Variants in HMCN1 observed in about 807,000 individuals in gnomAD.
HMCN1 encodes hemicentin-1.
HMCN1 carries 321 observed loss-of-function variants against 625.9 expected under a neutral mutation model. That is an observed-to-expected ratio of 0.51 (90% CI 0.47 to 0.56). HMCN1 has a LOEUF of 0.56. Ranked by LOEUF, HMCN1 falls within the 20% of genes least tolerant of loss-of-function variation. The pLI is 0.00. For missense variants in HMCN1, 6,588 were observed against 6,887.3 expected (o/e 0.96, Z 1.54); for synonymous variants, 2,425 against 2,417.6 (o/e 1.00, Z -0.09).
intron 4 of HMCN1, among the ~76,000 whole-genome samples, chr1:185,899,547 C>T (rs967511557): frequency 3.9e-5 from 6 of 152,046 alleles, no homozygotes; most frequent in Admixed American, 2.0e-4. Context: ...TTAAGGACTT[C>T]CCAGTTATGT....
At chr1:185,851,260 CT>C (rs1662144793) in intron 2 of HMCN1, among the ~76,000 whole-genome samples, 1 of 151,978 alleles carries the variant, frequency 6.6e-6, no homozygotes, top group Non-Finnish European at 1.5e-5. Context: ...CTAACTTGAA[CT>C]TTAAAAAAAG....
chr1:186,120,982 C>T (rs1485594120), intron 80 of HMCN1, among the ~76,000 whole-genome samples: 3 of 152,080 alleles, frequency 2.0e-5, no homozygotes, highest in Non-Finnish European at 4.4e-5. Flanking sequence ...TATGTGGGGA[C>T]CACTTTAGAA....
intron 6 of HMCN1, among the ~76,000 whole-genome samples, chr1:185,917,214 C>T (rs1385946942): frequency 6.6e-6 from 1 of 152,014 alleles, no homozygotes; most frequent in Non-Finnish European, 1.5e-5. Flanking sequence ...TACTAGCACC[C>T]CACTGACCTG....
intron 93 of HMCN1, among the ~76,000 whole-genome samples, chr1:186,146,839 G>T (rs977427369): frequency 2.0e-5 from 3 of 152,096 alleles, no homozygotes; most frequent in African/African-American, 7.2e-5. Flanking sequence ...GTCCAAATAG[G>T]TTGACAGTTT....
intron 75 of HMCN1, 26 bp from the exon 76 acceptor site, chr1:186,116,968 C>G (rs773302683): frequency 6.2e-7 from 1 of 1,611,090 alleles, no homozygotes; most frequent in Non-Finnish European, 8.5e-7. Flanking sequence ...CATATAGTAT[C>G]TCATGCTTTG....
chr1:185,777,048 C>T (rs1177671280), intron 1 of HMCN1, among the ~76,000 whole-genome samples: 2 of 152,166 alleles, frequency 1.3e-5, no homozygotes, highest in African/African-American at 2.4e-5. Context: ...AAAGTGAATT[C>T]GCTAGATCCA....
intron 40 of HMCN1, 80 bp from the exon 41 acceptor site, chr1:186,045,608 A>G: frequency 9.7e-7 from 1 of 1,031,084 alleles, no homozygotes. Flanking sequence ...AAAGGTATTC[A>G]GTATATGTCC....
intron 105 of HMCN1, among the ~76,000 whole-genome samples, chr1:186,185,271 A>C (rs2102675871): frequency 6.6e-6 from 1 of 152,338 alleles, no homozygotes; most frequent in South Asian, 2.1e-4. Context: ...AGAGTTCATG[A>C]TGAAAATAAG....
chr1:185,932,666 C>G (rs1229474359), intron 10 of HMCN1, among the ~76,000 whole-genome samples: 2 of 151,654 alleles, frequency 1.3e-5, no homozygotes, highest in South Asian at 4.2e-4. Flanking sequence ...GGGAGTTGAA[C>G]GATGAGAACA....
intron 1 of HMCN1, among the ~76,000 whole-genome samples, chr1:185,795,559 G>T (rs1658315208): frequency 6.6e-6 from 1 of 152,152 alleles, no homozygotes; most frequent in African/African-American, 2.4e-5. Flanking sequence ...CTTCTCATAG[G>T]AATGTCCTGA....
At chr1:186,113,843 C>A in intron 72 of HMCN1, 136 bp from the exon 73 acceptor site, 2 of 984,304 alleles carry the variant, frequency 2.0e-6, no homozygotes, top group South Asian at 2.7e-5. Context: ...CTCAATTCTA[C>A]TTATACTAAC....
At position 185,738,401 on chromosome 1, in the gene HMCN1, G is replaced by A. The variant is rs114066805; in HGVS notation, c.268+3354G>A. Among the ~76,000 whole-genome samples the A allele has an allele frequency of 6.7e-3, 1,018 of 152,272 alleles. 8 individuals carry two copies. Among genetic ancestry groups the A allele is most frequent in the Middle Eastern group, 0.027 (8 of 294 alleles). On this transcript the variant is annotated intron_variant, in intron 1 of 106. Transcript: ENST00000271588. ...TGTTCTGGACTTTTATACAAGTAGA[G>A]TCATATTCTATAAGGTCTTTCATGA...
intron 97 of HMCN1, among the ~76,000 whole-genome samples, chr1:186,156,231 C>T (rs1651010671): frequency 6.6e-6 from 1 of 151,870 alleles, no homozygotes; most frequent in South Asian, 2.1e-4. Flanking sequence ...ACAACTTCTT[C>T]ATGGGAAGGA....
At position 185,762,141 on chromosome 1, in the gene HMCN1, A is replaced by G. The variant is rs577734270; in HGVS notation, c.268+27094A>G. On this transcript the variant is annotated intron_variant, in intron 1 of 106. Coordinates refer to ENST00000271588, the MANE Select transcript of HMCN1 (RefSeq NM_031935.3). Reference sequence around the variant, plus strand: ...TAGAACAATGATTTTCTCTGTTTCTATGAGAAGACTTACACTCTAGCCTAC... The same window carrying G: ...TAGAACAATGATTTTCTCTGTTTCTGTGAGAAGACTTACACTCTAGCCTAC... Among the ~76,000 whole-genome samples the G allele has an allele frequency of 1.7e-3, 262 of 152,330 alleles. 1 individual carries two copies. The highest frequency in any genetic ancestry group is 3.1e-3 in the Non-Finnish European group (208 of 68,022).
At chr1:185,951,885 T>G (rs1479489462) in intron 11 of HMCN1, among the ~76,000 whole-genome samples, 1 of 151,842 alleles carries the variant, frequency 6.6e-6, no homozygotes, top group Non-Finnish European at 1.5e-5. Context: ...GAATTGCAAC[T>G]TTTTTCTGTT....
chr1:186,052,967 G>C lies in HMCN1; in HGVS notation c.6593G>C (p.Gly2198Ala). The change falls in exon 43 of 107, where the codon GGT (glycine) becomes GCT (alanine). Residue 2198 changes from glycine to alanine, a missense_variant. Coordinates refer to ENST00000271588, the MANE Select transcript of HMCN1 (RefSeq NM_031935.3). ...TTTTTTCTAGTCCCCCCAAATATTG[G>C]TGGTTCTGATGAACTTACTCAACTT... ...NVNIWVPPNI[G>A]GSDELTQLTV... 6.2e-7 allele frequency: 1 copy of C among 1,605,252 alleles called. No homozygotes were observed. The highest frequency in any genetic ancestry group is 8.5e-7 in the Non-Finnish European group (1 of 1,172,830).
Position 185,876,652 on chromosome 1 carries a change from C to T in HMCN1, c.621+10789C>T, listed in dbSNP as rs1261484670. Among the ~76,000 whole-genome samples, 3 of 152,062 alleles carry T rather than the reference C, an allele frequency of 2.0e-5. No individual in the cohort carries two copies. The South Asian group carries it at 6.2e-4, about 32-fold the overall frequency. ...CATTTTGGTTTTCGTTCACATTTCTCTGATGATTAGTGATGATGAACATTT... is the reference window on the plus strand; with the variant it reads ...CATTTTGGTTTTCGTTCACATTTCTTTGATGATTAGTGATGATGAACATTT... On this transcript the variant is annotated intron_variant, in intron 4 of 106. Coordinates refer to ENST00000271588, the MANE Select transcript of HMCN1 (RefSeq NM_031935.3).
rs888764466 is a variant in HMCN1 at position 185,734,528 on chromosome 1, G to T, written c.-252G>T. 1 of 494,598 alleles carries T rather than the reference G, an allele frequency of 2.0e-6. No homozygotes were observed. The highest frequency in any genetic ancestry group is 1.9e-5 in the African/African-American group (1 of 51,970). 30.6% of individuals were successfully genotyped at this position (494,598 alleles called of 1,614,324 possible). On this transcript the variant is annotated 5_prime_UTR_variant, in exon 1 of 107. Coordinates refer to ENST00000271588, the MANE Select transcript of HMCN1 (RefSeq NM_031935.3). The stretch of plus-strand genomic sequence containing the variant: ...CTCCGCCACAGGCTGTCCAGGGCCC[G>T]CGGGCAGATAGCAGTCCAGGAGGAA...
chr1:185,735,027 T>G lies in HMCN1; in HGVS notation c.248T>G (p.Leu83Trp). Residue 83 changes from leucine (L) to tryptophan (W), a missense_variant, in exon 1 of 107, where the codon TTG becomes TGG. Around this residue, in one of 3 missense-constraint regions of HMCN1, gnomAD observed 4,628 missense variants for 4,853.1 expected, o/e 0.95. Coordinates refer to ENST00000271588, the MANE Select transcript of HMCN1 (RefSeq NM_031935.3). ...AAAAGACCTCTTTTCAACTTTGCGT[T>G]GGTGCCTTTCCATGATCCAGGTAAG... Reference protein sequence around the residue: ...RPKRPLFNFALVPFHDPEIGP... With the variant: ...RPKRPLFNFAWVPFHDPEIGP... 1 of 1,614,206 alleles carries G rather than the reference T, an allele frequency of 6.2e-7. No homozygotes were observed. The highest frequency in any genetic ancestry group is 1.6e-4 in the Middle Eastern group (1 of 6,062).
Sources: allele counts gnomAD v4.1 joint callset (sites outside exome capture counted in the v4.1 genomes callset), GRCh38; gene constraint gnomAD v4.1.1; regional missense constraint gnomAD v4.1.1; transcripts MANE v1.5; gene names NCBI Gene and HGNC (gene_info 2026-07-23, HGNC 2026-07-21).